AP2A1: variants seen among roughly 807,000 people sequenced by gnomAD.
The protein encoded by AP2A1 is adaptor related protein complex 2 subunit alpha 1, also known as AP-2 complex subunit alpha-1.
A neutral mutation model predicts 107.3 loss-of-function variants in AP2A1; 21 were observed. That is an observed-to-expected ratio of 0.20 (90% CI 0.14 to 0.28). AP2A1 has a LOEUF of 0.28. Ranked by LOEUF, AP2A1 falls within the 10% of genes least tolerant of loss-of-function variation. AP2A1 has a pLI of 1.00. For missense variants in AP2A1, 873 were observed against 1,307.7 expected (o/e 0.67, Z 5.13); for synonymous variants, 602 against 564.8 (o/e 1.07, Z -0.93).
rs201377579 is a variant in AP2A1 at position 49,802,486 on chromosome 19, C to T, written c.2114+345C>T. The T allele has an allele frequency of 1.8e-4, 289 of 1,586,300 alleles. No individual in the cohort carries two copies. The Admixed American group carries it at 1.9e-3, about 10-fold the overall frequency. The stretch of plus-strand genomic sequence containing the variant: ...CTCGCTGCCTATGTGGAATTGGCTG[C>T]CTGCCACGCCTGTCTTCTCTTGTCT... On this transcript the variant is annotated intron_variant, in intron 15 of 22. Transcript: ENST00000354293.
intron 4 of AP2A1, among the ~76,000 whole-genome samples, chr19:49,783,656 A>G (rs1250491548): frequency 1.3e-5 from 2 of 152,260 alleles, no homozygotes; most frequent in Non-Finnish European, 2.9e-5. Flanking sequence ...GCACCCAAGC[A>G]GATGAGCCGC....
chr19:49,790,170 G>A (rs2073124255), intron 4 of AP2A1, among the ~76,000 whole-genome samples: 1 of 152,170 alleles, frequency 6.6e-6, no homozygotes, highest in South Asian at 2.1e-4. Context: ...CCCTAGAGGA[G>A]AGGCCGCGTC....
chr19:49,789,276 A>G (rs1378484136), intron 4 of AP2A1, among the ~76,000 whole-genome samples: 3 of 151,992 alleles, frequency 2.0e-5, no homozygotes, highest in Middle Eastern at 3.4e-3. Context: ...GGCTATGGCC[A>G]TGCACCACAC....
rs542604142 is a variant in AP2A1, at chr19:49,806,767, C to T, written c.*9C>T. On this transcript the variant is annotated 3_prime_UTR_variant, in exon 23 of 23. Transcript: ENST00000354293. Reference sequence around the variant, plus strand: ...TGGCACAGCAGTTCTGAGCCCTGGACTCTGCCCCGGGGGATGTGGCCGGCA... The same window carrying T: ...TGGCACAGCAGTTCTGAGCCCTGGATTCTGCCCCGGGGGATGTGGCCGGCA... The T allele has an allele frequency of 1.2e-5, 20 of 1,613,744 alleles. No homozygotes were observed. The highest frequency in any genetic ancestry group is 6.7e-5 in the African/African-American group (5 of 75,016).
At chr19:49,767,846 AG>A (rs1265116927) in intron 1 of AP2A1, among the ~76,000 whole-genome samples, 1 of 151,778 alleles carries the variant, frequency 6.6e-6, no homozygotes, top group East Asian at 1.9e-4. Context: ...TCAGGGTGGG[AG>A]ATTGCCTAGA....
In AP2A1 at chr19:49,801,770, A is replaced by C; in HGVS notation, c.1834A>C (p.Ile612Leu). Reference sequence around the variant, plus strand: ...GCCCTTCCCCGAGCGCGAGTCGTCCATCCTGGCCAAGCTGAAACGCAAGAA... The same window carrying C: ...GCCCTTCCCCGAGCGCGAGTCGTCCCTCCTGGCCAAGCTGAAACGCAAGAA... The part of the protein sequence containing the change: ...MPPFPERESS[I>L]LAKLKRKKGP... The change falls in exon 14 of 23, where the codon ATC (isoleucine) becomes CTC (leucine). Residue 612 changes from isoleucine to leucine, a missense_variant. Ile to Leu is a conservative substitution (Grantham distance 5). Coordinates refer to ENST00000354293, the MANE Select transcript of AP2A1 (RefSeq NM_130787.3). The C allele has an allele frequency of 6.4e-7, 1 of 1,568,234 alleles. No individual in the cohort carries two copies. Among genetic ancestry groups the C allele is most frequent in the Non-Finnish European group, 8.6e-7 (1 of 1,159,560 alleles).
chr19:49,795,251 C>G (rs2073197649), intron 6 of AP2A1, among the ~76,000 whole-genome samples: 1 of 152,204 alleles, frequency 6.6e-6, no homozygotes, highest in Admixed American at 6.5e-5. Flanking sequence ...CACCACACAC[C>G]AGCATTACTT....
At position 49,782,101 on chromosome 19, in the gene AP2A1, G is replaced by T. The variant is rs1432335439; in HGVS notation, c.279+12G>T. On this transcript the variant is annotated intron_variant, in intron 3 of 22. Coordinates refer to ENST00000354293, the MANE Select transcript of AP2A1 (RefSeq NM_130787.3). Reference sequence around the variant, plus strand: ...CAGAGAAGCAAATAGTGAGTCTGGAGAGGGGGGTGCCAGGGCCTGGACTCC... The same window carrying T: ...CAGAGAAGCAAATAGTGAGTCTGGATAGGGGGGTGCCAGGGCCTGGACTCC... 3.9e-6 allele frequency: 6 copies of T among 1,549,548 alleles called. No homozygotes were observed. The highest frequency in any genetic ancestry group is 5.2e-6 in the Non-Finnish European group (6 of 1,146,152).
Position 49,782,080 on chromosome 19 carries a change from G to A in AP2A1, c.270G>A (p.Glu90=). The change falls in exon 3 of 23, where the codon GAG becomes GAA. Residue 90 remains glutamate, a synonymous_variant. Transcript: ENST00000354293. ...VNLLSSNKYT[E]KQIGYLFISV... ...TGTTGAGTTCCAATAAATACACAGA[G>A]AAGCAAATAGTGAGTCTGGAGAGGG... 1 of 1,546,572 alleles carries A rather than the reference G, an allele frequency of 6.5e-7. No homozygotes were observed. Among genetic ancestry groups the A allele is most frequent in the Non-Finnish European group, 8.7e-7 (1 of 1,144,140 alleles).
intron 1 of AP2A1, among the ~76,000 whole-genome samples, chr19:49,775,577 A>T (rs1267541777): frequency 6.6e-6 from 1 of 152,154 alleles, no homozygotes; most frequent in East Asian, 1.9e-4. Context: ...GGCCTCCCAA[A>T]GTGCTGGGAT....
chr19:49,803,462 T>C (rs1397541511), intron 18 of AP2A1, 86 bp downstream of exon 18: 5 of 1,077,384 alleles, frequency 4.6e-6, no homozygotes, highest in Non-Finnish European at 7.1e-6. Flanking sequence ...AGGTCCACAC[T>C]TCTCTTCAGC....
At chr19:49,804,223 CAAAAAAA>C (rs1568589570) in intron 18 of AP2A1, 1 of 148,990 alleles carries the variant, frequency 6.7e-6, no homozygotes, top group Non-Finnish European at 1.5e-5. Context: ...GCGACAGTCT[CAAAAAAA>C]AGAAAAAGAA....
At position 49,795,588 on chromosome 19, in the gene AP2A1, C is replaced by T. The variant is rs746558329; in HGVS notation, c.706-42C>T. 2.0e-5 allele frequency: 13 copies of T among 656,084 alleles called. 1 individual carries two copies. The highest frequency in any genetic ancestry group is 3.4e-5 in the Non-Finnish European group (12 of 354,550). 40.6% of individuals were successfully genotyped at this position (656,084 alleles called of 1,614,324 possible). A position where few individuals can be genotyped will look rare whatever the true frequency, so the allele number is the denominator to read the frequency against. On this transcript the variant is annotated intron_variant, in intron 6 of 22. Transcript: ENST00000354293. The stretch of plus-strand genomic sequence containing the variant: ...CTGGCATGTGGACCCACGTGCCCCT[C>T]CCACCCCAGCCCCCAACTTATTTCT...
rs1354070309 is a variant in AP2A1 at position 49,805,505 on chromosome 19, G to A, written c.2397G>A (p.Gln799=). ...RVAAQVDGGA[Q]VQQVLNIECL... ...CGGCGCAGGTGGACGGCGGCGCGCA[G>A]GTGCAGCAGGTGCTCAATATCGAGT... The change falls in exon 19 of 23, where the codon CAG becomes CAA. Residue 799 remains glutamine (Q), a synonymous_variant. Transcript: ENST00000354293. The A allele has an allele frequency of 1.3e-6, 2 of 1,560,958 alleles. No homozygotes were observed. Among genetic ancestry groups the A allele is most frequent in the Non-Finnish European group, 1.7e-6 (2 of 1,153,556 alleles).
chr19:49,799,037 G>A, intron 8 of AP2A1, 85 bp downstream of exon 8: 1 of 1,497,866 alleles, frequency 6.7e-7, no homozygotes, highest in Non-Finnish European at 9.0e-7. Flanking sequence ...CCTAGGCAGA[G>A]GGCAGGGAAT....
chr19:49,795,840 A>C (rs1360272591), intron 7 of AP2A1, 102 bp downstream of exon 7: 39 of 927,284 alleles, frequency 4.2e-5, no homozygotes, highest in Non-Finnish European at 6.3e-5. Context: ...GGTCTGGGTC[A>C]GGATTTCTCT....
Position 49,793,898 on chromosome 19 carries a change from CTTTTTTT to C in AP2A1, c.705+827_705+833del, listed in dbSNP as rs956804227. On this transcript the variant is annotated intron_variant, in intron 6 of 22. Transcript: ENST00000354293. Reference sequence around the variant, plus strand: ...CAGCTCGTGCATCCACTCATTGTTTCTTTTTTTTTTTTTTTTTTTTTTTTTTTGAGAC... The same window carrying C: ...CAGCTCGTGCATCCACTCATTGTTTCTTTTTTTTTTTTTTTTTTTTGAGAC... Among the ~76,000 whole-genome samples, 181 of 74,546 alleles carry C rather than the reference CTTTTTTT, an allele frequency of 2.4e-3. 1 individual carries two copies. Among genetic ancestry groups the C allele is most frequent in the Middle Eastern group, 9.8e-3 (1 of 102 alleles). The allele number at this position is 74,546 out of a possible 152,430, so 48.9% of individuals were successfully genotyped here.
intron 10 of AP2A1, 72 bp from the exon 11 acceptor site, chr19:49,799,896 G>A (rs1600240171): frequency 6.3e-7 from 1 of 1,581,208 alleles, no homozygotes; most frequent in East Asian, 2.3e-5. Context: ...GGGCAGTGGT[G>A]AGCCCAGATC....
chr19:49,771,303 TAAAAAAAAAA>T (rs902347385), intron 1 of AP2A1, among the ~76,000 whole-genome samples: 1 of 98,040 alleles, frequency 1.0e-5, no homozygotes, highest in African/African-American at 4.0e-5. Flanking sequence ...CCTCATCTCT[TAAAAAAAAAA>T]AAAAAAAAAA....
Sources: gnomAD v4.1 joint callset for allele counts (sites outside exome capture counted in the v4.1 genomes callset) on GRCh38, gnomAD v4.1.1 for gene constraint, MANE v1.5 for transcripts, NCBI Gene and HGNC (gene_info 2026-07-23, HGNC 2026-07-21) for gene names.